The following SEC11A variants were observed in gnomAD, a reference collection of about 807,000 sequenced individuals.
The protein encoded by SEC11A is SEC11 homolog A, signal peptidase complex subunit, also known as signal peptidase complex catalytic subunit SEC11A.
A neutral mutation model predicts 25.6 loss-of-function variants in SEC11A; 14 were observed. The observed-to-expected ratio is 0.55, with a 90% CI of 0.36 to 0.85. SEC11A has a LOEUF of 0.85. Ranked by LOEUF, SEC11A falls within the 40% of genes least tolerant of loss-of-function variation. SEC11A has a pLI of 0.01. For synonymous variants in SEC11A, 83 were observed against 76.4 expected, an observed-to-expected ratio of 1.09 and a Z score of -0.45; for missense variants, 153 against 222.9, an observed-to-expected ratio of 0.69 and a Z score of 2.00.
intron 3 of SEC11A, among the ~76,000 whole-genome samples, chr15:84,683,678 C>G (rs910274262): frequency 9.9e-5 from 15 of 152,014 alleles, no homozygotes; most frequent in Non-Finnish European, 1.0e-4. Flanking sequence ...GCGTGCACCA[C>G]CATGCCCAGT....
At chr15:84,708,878 A>G (rs1898179543) in intron 1 of SEC11A, among the ~76,000 whole-genome samples, 1 of 152,192 alleles carries the variant, frequency 6.6e-6, no homozygotes, top group African/African-American at 2.4e-5. Context: ...TGATACTAAG[A>G]GATAGGAAGA....
At chr15:84,677,535 T>C (rs567981309) in intron 4 of SEC11A, among the ~76,000 whole-genome samples, 1 of 150,904 alleles carries the variant, frequency 6.6e-6, no homozygotes, top group East Asian at 1.9e-4. Flanking sequence ...TGCAGTGGCG[T>C]GATCTCGGCT....
At position 84,716,012 on chromosome 15, in the gene SEC11A, C is replaced by T; in HGVS notation, c.51+13G>A. Reference sequence around the variant, plus strand: ...AAGAAGAGCCAGGAGAAAAAGAGGACGGACAAGCTCACCTGCCGCTTGTTC... The same window carrying T: ...AAGAAGAGCCAGGAGAAAAAGAGGATGGACAAGCTCACCTGCCGCTTGTTC... On this transcript the variant is annotated intron_variant, in intron 1 of 5. Transcript: ENST00000268220. 1.2e-6 allele frequency: 2 copies of T among 1,612,612 alleles called. No homozygotes were observed. The highest frequency in any genetic ancestry group is 1.7e-6 in the Non-Finnish European group (2 of 1,179,060).
intron 4 of SEC11A, among the ~76,000 whole-genome samples, chr15:84,680,137 T>TAA (rs753909923): frequency 2.8e-5 from 4 of 141,404 alleles, no homozygotes; most frequent in African/African-American, 5.2e-5. Context: ...CCATCTCTAC[T>TAA]AAAAAAAAAA....
At chr15:84,677,055 C>T (rs1272741724) in intron 4 of SEC11A, among the ~76,000 whole-genome samples, 4 of 151,906 alleles carry the variant, frequency 2.6e-5, no homozygotes, top group African/African-American at 4.8e-5. Context: ...TCTGCCACTG[C>T]ACTCCAGCCT....
rs1015872125 is a variant in SEC11A at position 84,712,007 on chromosome 15, G to A, written c.51+4018C>T. The stretch of plus-strand genomic sequence containing the variant: ...TGTAATTCCAGCAGTTTGAGGATCC[G>A]AGGTGGGAGGATCACTCGAGCCCAG... On this transcript the variant is annotated intron_variant, in intron 1 of 5. Coordinates refer to ENST00000268220, the MANE Select transcript of SEC11A (RefSeq NM_014300.4). 1.1e-4 allele frequency among the ~76,000 whole-genome samples: 16 copies of A among 152,018 alleles called. 1 individual carries two copies. Among genetic ancestry groups the A allele is most frequent in the South Asian group, 2.1e-4 (1 of 4,816 alleles).
chr15:84,687,665 C>A lies in SEC11A; in HGVS notation c.271G>T (p.Glu91Ter), dbSNP rs371890409. ...EIVVFRIEGR[E>*]IPIVHRVLKI... ...AAGACTCGGTGAACTATAGGAATCT[C>A]TCTTCCTTCTATCCTAAAAACAACA... Residue 91 changes from glutamate to a stop codon, truncating the protein, a stop_gained, in exon 3 of 6, where the codon GAG (glutamate) becomes TAG (stop). Transcript: ENST00000268220. LOFTEE classifies it high-confidence loss of function. The A allele has an allele frequency of 1.3e-6, 2 of 1,596,226 alleles. No homozygotes were observed. The highest frequency in any genetic ancestry group is 1.7e-6 in the Non-Finnish European group (2 of 1,176,234).
Position 84,669,850 on chromosome 15 carries a change from C to T in SEC11A, c.*169G>A, listed in dbSNP as rs948784247. On this transcript the variant is annotated 3_prime_UTR_variant, in exon 6 of 6. Coordinates refer to ENST00000268220, the MANE Select transcript of SEC11A (RefSeq NM_014300.4). The stretch of plus-strand genomic sequence containing the variant: ...TCGAGTGCACTCTGTGGTGCACATG[C>T]GCCCGCCCACACAAACTCTGGCATG... 7.1e-6 allele frequency: 9 copies of T among 1,259,706 alleles called. No homozygotes were observed. The highest frequency in any genetic ancestry group is 1.0e-5 in the Non-Finnish European group (9 of 901,618). The allele number at this position is 1,259,706 out of a possible 1,614,324, so 78.0% of individuals were successfully genotyped here. A position where few individuals can be genotyped will look rare whatever the true frequency, so the allele number is the denominator to read the frequency against.
intron 4 of SEC11A, among the ~76,000 whole-genome samples, chr15:84,678,550 G>C (rs184970809): frequency 2.3e-3 from 355 of 152,268 alleles, no homozygotes; most frequent in African/African-American, 8.0e-3. Context: ...CCATACAGTG[G>C]AATAGCATAC....
intron 1 of SEC11A, among the ~76,000 whole-genome samples, chr15:84,703,601 G>A (rs1898011234): frequency 1.3e-5 from 2 of 152,194 alleles, no homozygotes; most frequent in African/African-American, 4.8e-5. Context: ...GGATTGTGAG[G>A]AAGAGAAATC....
intron 1 of SEC11A, among the ~76,000 whole-genome samples, chr15:84,698,696 T>C (rs528022632): frequency 2.0e-5 from 3 of 152,254 alleles, no homozygotes; most frequent in Admixed American, 1.3e-4. Flanking sequence ...TGAAAACACA[T>C]TTAACATATA....
chr15:84,714,041 G>C (rs868509090), intron 1 of SEC11A, among the ~76,000 whole-genome samples: 4 of 16,380 alleles, frequency 2.4e-4, no homozygotes, highest in Non-Finnish European at 3.7e-4. Flanking sequence ...TTTTTTTTTT[G>C]AGACGGAGTC....
chr15:84,683,051 A>C (rs1260627025), intron 3 of SEC11A, among the ~76,000 whole-genome samples: 2 of 152,200 alleles, frequency 1.3e-5, no homozygotes, highest in Non-Finnish European at 2.9e-5. Context: ...GGTTAAGTGC[A>C]AACAGTCACA....
In SEC11A at chr15:84,697,801, G is replaced by A. The variant is rs1033861740; in HGVS notation, c.52-6157C>T. On this transcript the variant is annotated intron_variant, in intron 1 of 5. Transcript: ENST00000268220. ...GTGGCAGCTACCTAACCTCATATCT[G>A]ACCACATCAAGCTAACTATTAATAA... is the stretch of plus-strand genomic sequence containing the variant. Among the ~76,000 whole-genome samples the A allele has an allele frequency of 2.6e-5, 4 of 152,106 alleles. No individual in the cohort carries two copies. The East Asian group carries it at 7.7e-4, about 29-fold the overall frequency.
At chr15:84,686,694 CATTT>C (rs1371762120) in intron 3 of SEC11A, 1 of 152,222 alleles carries the variant, frequency 6.6e-6, no homozygotes, top group Admixed American at 6.6e-5. Context: ...CCTTTTCTTT[CATTT>C]CTTTCTTTTT....
At chr15:84,701,972 C>T (rs780479991) in intron 1 of SEC11A, among the ~76,000 whole-genome samples, 6 of 150,620 alleles carry the variant, frequency 4.0e-5, no homozygotes, top group Admixed American at 6.6e-5. Flanking sequence ...GAGGCTGAGG[C>T]AGGAGAATTG....
rs181729541 is a variant in SEC11A at position 84,712,609 on chromosome 15, G to A, written c.51+3416C>T. On this transcript the variant is annotated intron_variant, in intron 1 of 5. Transcript: ENST00000268220. Reference sequence around the variant, plus strand: ...ATTACAGGTGCGCACCACCATGCTCGGCTAATTTTTGTATTTTTAGTAGAG... The same window carrying A: ...ATTACAGGTGCGCACCACCATGCTCAGCTAATTTTTGTATTTTTAGTAGAG... Among the ~76,000 whole-genome samples, 273 of 151,806 alleles carry A rather than the reference G, an allele frequency of 1.8e-3. 1 individual carries two copies. The highest frequency in any genetic ancestry group is 0.017 in the Middle Eastern group (5 of 294).
At chr15:84,678,816 G>C (rs1897208229) in intron 4 of SEC11A, among the ~76,000 whole-genome samples, 1 of 151,874 alleles carries the variant, frequency 6.6e-6, no homozygotes, top group African/African-American at 2.4e-5. Context: ...AACATATCGA[G>C]ACCCCATCTC....
At chr15:84,671,243 C>T (rs1306602277) in intron 4 of SEC11A, 1 of 152,212 alleles carries the variant, frequency 6.6e-6, no homozygotes, top group African/African-American at 2.4e-5. Context: ...AGGATTTCAC[C>T]ACCTTCTCAT....
Sources: gnomAD v4.1 joint callset for allele counts (sites outside exome capture counted in the v4.1 genomes callset) on GRCh38, gnomAD v4.1.1 for gene constraint, MANE v1.5 for transcripts, NCBI Gene and HGNC (gene_info 2026-07-23, HGNC 2026-07-21) for gene names.